KYNU: variants seen among roughly 807,000 people sequenced by gnomAD.
KYNU encodes the protein kynureninase.
A neutral mutation model predicts 59.2 loss-of-function variants in KYNU; 54 were observed. The observed-to-expected ratio is 0.91, with a 90% CI of 0.73 to 1.14. KYNU has a LOEUF of 1.14. KYNU is among the 50% of genes most tolerant of loss of function. The pLI, the probability that KYNU is intolerant of heterozygous loss-of-function variation, is 0.00. For missense variants in KYNU, 567 were observed against 554.4 expected (o/e 1.02, Z -0.23); for synonymous variants, 177 against 192.0 (o/e 0.92, Z 0.65).
intron 10 of KYNU, among the ~76,000 whole-genome samples, chr2:143,020,546 C>G (rs6742644): frequency 0.23 from 35,235 of 151,984 alleles, 4,673 homozygotes; most frequent in African/African-American, 0.37. Flanking sequence ...TGTGGCCTAA[C>G]ATATGGTCTA....
chr2:142,942,179 A>G (rs1290261453), intron 4 of KYNU, among the ~76,000 whole-genome samples: 1 of 151,766 alleles, frequency 6.6e-6, no homozygotes, highest in Non-Finnish European at 1.5e-5. Context: ...AAAAAAGAAA[A>G]AAAAAAAAGA....
At chr2:142,939,494 C>G (rs1300546194) in intron 4 of KYNU, among the ~76,000 whole-genome samples, 1 of 147,204 alleles carries the variant, frequency 6.8e-6, no homozygotes, top group Non-Finnish European at 1.5e-5. Context: ...CCCAGCTACT[C>G]AGGAGGCTGA....
At chr2:142,960,582 A>G (rs1235649512) in intron 7 of KYNU, 42 bp from the exon 8 acceptor site, 2 of 1,563,854 alleles carry the variant, frequency 1.3e-6, no homozygotes, top group Non-Finnish European at 1.8e-6. Context: ...TTACAAATTT[A>G]TTATTATCGA....
chr2:142,986,943 T>A (rs559901039), intron 10 of KYNU, among the ~76,000 whole-genome samples: 1 of 151,990 alleles, frequency 6.6e-6, no homozygotes, highest in Non-Finnish European at 1.5e-5. Context: ...GAATTTAAGA[T>A]GATTTTCTAT....
At chr2:142,904,528 T>A (rs550280262) in intron 2 of KYNU, among the ~76,000 whole-genome samples, 29 of 152,352 alleles carry the variant, frequency 1.9e-4, no homozygotes, top group African/African-American at 6.0e-4. Context: ...ACATTATATC[T>A]CTCCATGTCA....
chr2:143,045,092 CTT>C lies in KYNU; in HGVS notation c.*2923_*2924del, dbSNP rs1687145824. On this transcript the variant is annotated 3_prime_UTR_variant, in exon 14 of 14. Transcript: ENST00000264170. ...CAACACTATTTATTAAATAGGGAAT[CTT>C]TTCCCCATTGCTTGTTTTTGTCAGG... is the stretch of plus-strand genomic sequence containing the variant. The C allele has an allele frequency of 6.6e-6, 1 of 152,192 alleles. No individual in the cohort carries two copies. Among genetic ancestry groups the C allele is most frequent in the African/African-American group, 2.4e-5 (1 of 41,550 alleles). The allele number at this position is 152,192 out of a possible 1,614,324, so 9.4% of individuals were successfully genotyped here.
chr2:143,026,206 A>G (rs553636482), intron 10 of KYNU, among the ~76,000 whole-genome samples: 1 of 152,358 alleles, frequency 6.6e-6, no homozygotes, highest in East Asian at 1.9e-4. Context: ...TGTGATCTCT[A>G]TTTTAATCTT....
intron 10 of KYNU, among the ~76,000 whole-genome samples, chr2:143,013,517 T>G (rs551844057): frequency 6.6e-6 from 1 of 152,204 alleles, no homozygotes; most frequent in African/African-American, 2.4e-5. Flanking sequence ...TTCTAGAAAT[T>G]TGATAGTTTT....
chr2:142,908,269 T>C (rs1459323347), intron 2 of KYNU, among the ~76,000 whole-genome samples: 1 of 152,192 alleles, frequency 6.6e-6, no homozygotes, highest in Non-Finnish European at 1.5e-5. Flanking sequence ...TTTGAGTTCA[T>C]ATGTATTTTA....
At chr2:142,976,398 C>T (rs1684882518) in intron 8 of KYNU, among the ~76,000 whole-genome samples, 1 of 152,202 alleles carries the variant, frequency 6.6e-6, no homozygotes, top group African/African-American at 2.4e-5. Context: ...CTAGCATTAG[C>T]CCACCTGAGT....
At chr2:142,928,664 TTA>T (rs2105016165) in intron 4 of KYNU, among the ~76,000 whole-genome samples, 1 of 152,116 alleles carries the variant, frequency 6.6e-6, no homozygotes, top group East Asian at 1.9e-4. Flanking sequence ...TAAAAAGTAA[TTA>T]TTGATTTTTT....
chr2:142,968,345 C>T (rs1684610967), intron 8 of KYNU, among the ~76,000 whole-genome samples: 1 of 152,026 alleles, frequency 6.6e-6, no homozygotes, highest in African/African-American at 2.4e-5. Context: ...GGTAGGATTG[C>T]AGGGAAGCAA....
chr2:142,994,949 C>G (rs1057481737), intron 10 of KYNU, among the ~76,000 whole-genome samples: 3 of 151,978 alleles, frequency 2.0e-5, no homozygotes, highest in Non-Finnish European at 4.4e-5. Context: ...CCAAATATAT[C>G]CATGAAAACT....
In KYNU at chr2:142,885,332, T is replaced by G. The variant is rs1681465890; in HGVS notation, c.-19-17T>G. ...AAAATTATGGTGGCTAGATTATGTT[T>G]TATTATTCTCTTTCAGTTTTAGAGA... On this transcript the variant is annotated splice_polypyrimidine_tract_variant and intron_variant, in intron 1 of 13. Coordinates refer to ENST00000264170, the MANE Select transcript of KYNU (RefSeq NM_003937.3). 1 of 1,605,040 alleles carries G rather than the reference T, an allele frequency of 6.2e-7. No homozygotes were observed. The highest frequency in any genetic ancestry group is 1.3e-5 in the African/African-American group (1 of 74,752).
At chr2:142,916,128 T>C (rs2104985345) in intron 2 of KYNU, among the ~76,000 whole-genome samples, 1 of 152,266 alleles carries the variant, frequency 6.6e-6, no homozygotes, top group African/African-American at 2.4e-5. Context: ...ACAATAAATT[T>C]ATGTTTAAGC....
At chr2:142,927,601 A>G (rs1250386078) in intron 3 of KYNU, 58 bp from the exon 4 acceptor site, 8 of 1,210,720 alleles carry the variant, frequency 6.6e-6, no homozygotes, top group Non-Finnish European at 9.8e-6. Flanking sequence ...GATATTTGAA[A>G]TAATCACACA....
At chr2:142,882,114 C>G (rs1681323246) in intron 1 of KYNU, among the ~76,000 whole-genome samples, 1 of 151,804 alleles carries the variant, frequency 6.6e-6, no homozygotes, top group South Asian at 2.1e-4. Flanking sequence ...TTTATTTCAT[C>G]ATATTTCACA....
At chr2:142,957,439 T>C (rs1486746425) in intron 6 of KYNU, among the ~76,000 whole-genome samples, 1 of 152,208 alleles carries the variant, frequency 6.6e-6, no homozygotes, top group Admixed American at 6.5e-5. Context: ...TCTGTTTTCA[T>C]CTATCTCAAA....
rs1687277633 is a variant in KYNU at position 143,052,132 on chromosome 2, C to T, written c.*9960C>T. 1 of 152,210 alleles carries T rather than the reference C, an allele frequency of 6.6e-6. No individual in the cohort carries two copies. Among genetic ancestry groups the T allele is most frequent in the Non-Finnish European group, 1.5e-5 (1 of 68,062 alleles). 9.4% of individuals were successfully genotyped at this position (152,210 alleles called of 1,614,324 possible). A position where few individuals can be genotyped will look rare whatever the true frequency, so the allele number is the denominator to read the frequency against. On this transcript the variant is annotated 3_prime_UTR_variant, in exon 14 of 14. Coordinates refer to ENST00000264170, the MANE Select transcript of KYNU (RefSeq NM_003937.3). ...CAAAGAGACTGGAGGCATTTTGCCCCTGCCCTAGAGATTTGTGGGACATTA... is the reference window on the plus strand; with the variant it reads ...CAAAGAGACTGGAGGCATTTTGCCCTTGCCCTAGAGATTTGTGGGACATTA...
Sources: gnomAD v4.1 joint callset for allele counts (sites outside exome capture counted in the v4.1 genomes callset) on GRCh38, gnomAD v4.1.1 for gene constraint, MANE v1.5 for transcripts, NCBI Gene and HGNC (gene_info 2026-07-23, HGNC 2026-07-21) for gene names.